The following TRPM3 variants were observed in gnomAD, a reference collection of about 807,000 sequenced individuals.
TRPM3 encodes the protein long transient receptor potential channel 3.
In TRPM3, 77 loss-of-function variants were observed where a neutral mutation model predicts 181.2. The ratio of observed to expected loss-of-function variants is 0.42; its 90% CI spans 0.35 to 0.51. TRPM3 has a LOEUF of 0.51. Ranked by LOEUF, TRPM3 falls within the 20% of genes least tolerant of loss-of-function variation. The pLI is 0.01. For missense variants in TRPM3, 1,759 were observed against 2,196.7 expected (o/e 0.80, Z 3.98); for synonymous variants, 745 against 796.4 (o/e 0.94, Z 1.09).
At chr9:70,741,297 G>C (rs1425343768) in intron 8 of TRPM3, among the ~76,000 whole-genome samples, 1 of 152,022 alleles carries the variant, frequency 6.6e-6, no homozygotes, top group Non-Finnish European at 1.5e-5. Context: ...CCAAAATCAA[G>C]ATTTTAAAAA....
chr9:70,755,181 ACTC>A (rs2076839759), intron 8 of TRPM3, among the ~76,000 whole-genome samples: 1 of 152,076 alleles, frequency 6.6e-6, no homozygotes, highest in Non-Finnish European at 1.5e-5. Context: ...CCACAAAGAT[ACTC>A]CTCAAGAAGA....
At chr9:70,878,326 C>T (rs1425832029) in intron 1 of TRPM3, among the ~76,000 whole-genome samples, 1 of 151,980 alleles carries the variant, frequency 6.6e-6, no homozygotes, top group Non-Finnish European at 1.5e-5. Flanking sequence ...AAAGTCGATG[C>T]TACCTGGAGC....
At chr9:70,921,947 ACACACACACAC>A in intron 1 of TRPM3, among the ~76,000 whole-genome samples, 1 of 150,334 alleles carries the variant, frequency 6.7e-6, no homozygotes, top group South Asian at 2.1e-4. Context: ...AAACAAACAC[ACACACACACAC>A]ACACACACAC....
In TRPM3 at chr9:70,929,569, A is replaced by G. The variant is rs77585293; in HGVS notation, c.178-65058T>C. Among the ~76,000 whole-genome samples, 253 of 152,206 alleles carry G rather than the reference A, an allele frequency of 1.7e-3. 2 individuals are homozygous for G. In the Middle Eastern group the frequency reaches 0.024, roughly 14 times the overall value. On this transcript the variant is annotated intron_variant, in intron 1 of 25. Transcript: ENST00000677713. ...TAAGCCACATGAATTGTGTTTTCCA[A>G]AGTTACATGTTCTGGATAGTCCTTG...
At chr9:71,185,205 A>G (rs1386547146) in intron 1 of TRPM3, among the ~76,000 whole-genome samples, 1 of 152,120 alleles carries the variant, frequency 6.6e-6, no homozygotes, top group Non-Finnish European at 1.5e-5. Flanking sequence ...TAACTGATGC[A>G]TGAAAGGAGA....
chr9:70,774,001 A>C (rs905190773), intron 7 of TRPM3: 2 of 152,194 alleles, frequency 1.3e-5, no homozygotes, highest in Non-Finnish European at 1.5e-5. Context: ...CCAAATTCCT[A>C]TCTTTGCCTC....
At chr9:70,781,390 T>C (rs1294955559) in intron 7 of TRPM3, among the ~76,000 whole-genome samples, 1 of 148,206 alleles carries the variant, frequency 6.7e-6, no homozygotes, top group Non-Finnish European at 1.5e-5. Context: ...GGGGTTGTTG[T>C]ATAATGGCCT....
intron 1 of TRPM3, among the ~76,000 whole-genome samples, chr9:71,314,486 C>G (rs1288875746): frequency 6.6e-6 from 1 of 151,918 alleles, no homozygotes; most frequent in East Asian, 1.9e-4. Flanking sequence ...CCATACCTAC[C>G]CTATTAATCC....
At chr9:71,119,015 T>C (rs952222716) in intron 1 of TRPM3, among the ~76,000 whole-genome samples, 1 of 152,078 alleles carries the variant, frequency 6.6e-6, no homozygotes, top group Non-Finnish European at 1.5e-5. Context: ...AGGAGAAACA[T>C]ACAACAATCC....
chr9:70,643,389 T>C (rs1009844572), intron 9 of TRPM3, among the ~76,000 whole-genome samples: 1 of 152,178 alleles, frequency 6.6e-6, no homozygotes, highest in East Asian at 1.9e-4. Flanking sequence ...AAGTCAATAA[T>C]AGCAGCACGA....
chr9:71,206,607 A>C (rs1296925837), intron 1 of TRPM3, among the ~76,000 whole-genome samples: 1 of 152,094 alleles, frequency 6.6e-6, no homozygotes, highest in Non-Finnish European at 1.5e-5. Context: ...ACATTTGTCA[A>C]TTTTAGCTTG....
intron 1 of TRPM3, among the ~76,000 whole-genome samples, chr9:71,285,589 G>A (rs2085215558): frequency 6.6e-6 from 1 of 152,126 alleles, no homozygotes; most frequent in Admixed American, 6.5e-5. Flanking sequence ...TAACAAAGTT[G>A]AATAAAAGGC....
At chr9:70,940,292 C>G (rs1385275312) in intron 1 of TRPM3, among the ~76,000 whole-genome samples, 3 of 152,150 alleles carry the variant, frequency 2.0e-5, no homozygotes, top group Admixed American at 1.3e-4. Context: ...ATTCACTAAC[C>G]TACAAAGTCG....
chr9:70,917,615 T>C, intron 1 of TRPM3: 1 of 438,330 alleles, frequency 2.3e-6, no homozygotes, highest in Non-Finnish European at 4.3e-6. Flanking sequence ...ACAAGTCTTA[T>C]GGTAGCCTCA....
intron 1 of TRPM3, among the ~76,000 whole-genome samples, chr9:71,030,814 GACTA>G (rs1380105372): frequency 6.6e-5 from 10 of 152,068 alleles, no homozygotes; most frequent in African/African-American, 9.7e-5. Context: ...GGGCTACAAA[GACTA>G]ACTAAATTTA....
At chr9:70,870,117 G>C (rs1411170473) in intron 1 of TRPM3, among the ~76,000 whole-genome samples, 1 of 151,940 alleles carries the variant, frequency 6.6e-6, no homozygotes, top group East Asian at 1.9e-4. Flanking sequence ...ATGGGGCTTT[G>C]GTTTTCATTT....
At chr9:71,434,520 T>A (rs2094004268) in intron 1 of TRPM3, among the ~76,000 whole-genome samples, 1 of 152,214 alleles carries the variant, frequency 6.6e-6, no homozygotes, top group Non-Finnish European at 1.5e-5. Flanking sequence ...GCAGCCTAAA[T>A]GGACTAAAAC....
At chr9:71,350,649 A>G (rs533231021) in intron 1 of TRPM3, among the ~76,000 whole-genome samples, 2 of 152,328 alleles carry the variant, frequency 1.3e-5, no homozygotes, top group Admixed American at 6.5e-5. Context: ...ACCAAGTCCA[A>G]TGCTTTTACA....
chr9:71,203,930 T>C (rs1464516004), intron 1 of TRPM3, among the ~76,000 whole-genome samples: 2 of 152,318 alleles, frequency 1.3e-5, no homozygotes, highest in East Asian at 3.9e-4. Context: ...TATCTGATCT[T>C]TGACAAACCT....
Sources: gnomAD v4.1 joint callset for allele counts (sites outside exome capture counted in the v4.1 genomes callset) on GRCh38, gnomAD v4.1.1 for gene constraint, MANE v1.5 for transcripts, NCBI Gene and HGNC (gene_info 2026-07-23, HGNC 2026-07-21) for gene names.